The following VWF variants were observed in gnomAD, a reference collection of about 807,000 sequenced individuals.
VWF encodes von Willebrand factor.
Under a neutral mutation model 308.6 loss-of-function variants are expected in VWF, and 176 were observed. The ratio of observed to expected loss-of-function variants is 0.57; its 90% CI spans 0.50 to 0.65. The LOEUF is 0.65. Ranked by LOEUF, VWF falls within the 30% of genes least tolerant of loss-of-function variation. The pLI, the probability that VWF is intolerant of heterozygous loss-of-function variation, is 0.00. For synonymous variants in VWF, 1,385 were observed against 1,443.4 expected (o/e 0.96, Z 0.92); for missense variants, 3,146 against 3,648.2 (o/e 0.86, Z 3.55).
rs1396364240 is a variant in VWF at position 5,983,150 on chromosome 12, C to A, written c.7081G>T (p.Ala2361Ser). 6 of 1,613,356 alleles carry A rather than the reference C, an allele frequency of 3.7e-6. No homozygotes were observed. The highest frequency in any genetic ancestry group is 1.7e-5 in the Admixed American group (1 of 59,958). Residue 2361 changes from alanine to serine, a missense_variant and splice_region_variant, in exon 41 of 52, where the codon GCC becomes TCC. Ala to Ser is a moderately conservative substitution (Grantham distance 99). Around this residue, in one of 3 missense-constraint regions of VWF, gnomAD observed 989 missense variants for 1,117.4 expected, o/e 0.89. Transcript: ENST00000261405. The part of the protein sequence containing the change: ...PGECRPNFTC[A>S]CRKEECKRVS... ...CCCTCCTCATCCACAGAGGCCTTAC[C>A]GCAGGTGAAGTTGGGTCTGCACTCG...
intron 28 of VWF, among the ~76,000 whole-genome samples, chr12:6,017,769 G>T (rs1195329263): frequency 1.3e-5 from 2 of 152,182 alleles, no homozygotes; most frequent in Non-Finnish European, 2.9e-5. Context: ...CTCATCCTTT[G>T]TATAGACGAT....
At position 6,031,564 on chromosome 12, in the gene VWF, A is replaced by G. The variant is rs756897461; in HGVS notation, c.2700T>C (p.Ser900=). 3.7e-6 allele frequency: 6 copies of G among 1,614,082 alleles called. No homozygotes were observed. Among genetic ancestry groups the G allele is most frequent in the Non-Finnish European group, 5.1e-6 (6 of 1,179,988 alleles). The change falls in exon 21 of 52, where the codon AGT becomes AGC. Residue 900 remains serine (S), a synonymous_variant. Coordinates refer to ENST00000261405, the MANE Select transcript of VWF (RefSeq NM_000552.5). ...CTAGGATCCGAAAGGTCCCAGGGTT[A>G]CTGCCGCAGTAATCCTGGGGAAAGA... is the stretch of plus-strand genomic sequence containing the variant. ...QYVLVQDYCG[S]NPGTFRILVG...
chr12:5,994,541 C>G lies in VWF; in HGVS notation c.6130G>C (p.Gly2044Arg). 1 of 1,613,972 alleles carries G rather than the reference C, an allele frequency of 6.2e-7. No homozygotes were observed. Among genetic ancestry groups the G allele is most frequent in the Non-Finnish European group, 8.5e-7 (1 of 1,179,904 alleles). ...VGGNMEVNVY[G>R]AIMHEVRFNH... ...AATCTGACCTCATGCATGATGGCAC[C>G]ATAAACGTTGACTTCCATGTTCCCA... Residue 2044 changes from glycine (G) to arginine (R), a missense_variant, in exon 36 of 52, where the codon GGT becomes CGT. Transcript: ENST00000261405.
intron 6 of VWF, among the ~76,000 whole-genome samples, chr12:6,090,048 C>T (rs1173011069): frequency 6.6e-6 from 1 of 152,100 alleles, no homozygotes; most frequent in African/African-American, 2.4e-5. Flanking sequence ...AGCTCTGCCT[C>T]CCAGGTTCAT....
intron 15 of VWF, among the ~76,000 whole-genome samples, chr12:6,055,953 T>C (rs76155859): frequency 0.014 from 2,092 of 151,750 alleles, 47 homozygotes; most frequent in African/African-American, 0.047. Flanking sequence ...TACTTTACCC[T>C]AAAAAACAGA....
At chr12:6,070,636 G>A (rs777320653) in intron 10 of VWF, among the ~76,000 whole-genome samples, 1 of 152,254 alleles carries the variant, frequency 6.6e-6, no homozygotes, top group Non-Finnish European at 1.5e-5. Context: ...AAAACACCAC[G>A]TGAGTGAGCA....
chr12:6,029,520 G>A (rs1370127760), intron 21 of VWF, 32 bp from the exon 22 acceptor site: 3 of 1,613,556 alleles, frequency 1.9e-6, no homozygotes, highest in East Asian at 4.5e-5. Flanking sequence ...AATCCAGGAG[G>A]ATGAAGGGCA....
At chr12:6,007,443 T>C (rs1010777738) in intron 34 of VWF, among the ~76,000 whole-genome samples, 3 of 152,058 alleles carry the variant, frequency 2.0e-5, no homozygotes, top group Non-Finnish European at 2.9e-5. Context: ...TTCTCAAATA[T>C]GTGGAAATTA....
In VWF at chr12:6,064,291, C is replaced by T; in HGVS notation, c.1387G>A (p.Gly463Arg). ...NSLVKLKHGA[G>R]VAMDGQDVQL... ...ACGTCCTGGCCATCCATGGCAACTC[C>T]TGCCCCATGCTTCAGTTTCACAAGG... is the stretch of plus-strand genomic sequence containing the variant. The change falls in exon 12 of 52, where the codon GGA becomes AGA. Residue 463 changes from glycine to arginine, a missense_variant. By Grantham distance (125) the Gly-to-Arg change is moderately radical. Coordinates refer to ENST00000261405, the MANE Select transcript of VWF (RefSeq NM_000552.5). The T allele has an allele frequency of 6.2e-7, 1 of 1,614,210 alleles. No homozygotes were observed. Among genetic ancestry groups the T allele is most frequent in the Non-Finnish European group, 8.5e-7 (1 of 1,180,040 alleles).
At chr12:5,979,386 T>C (rs1439319328) in intron 42 of VWF, among the ~76,000 whole-genome samples, 4 of 152,224 alleles carry the variant, frequency 2.6e-5, no homozygotes, top group East Asian at 3.8e-4. Flanking sequence ...CTATAAATTG[T>C]TGATGGGGTA....
At chr12:6,049,151 C>T (rs1944479708) in intron 16 of VWF, among the ~76,000 whole-genome samples, 1 of 152,318 alleles carries the variant, frequency 6.6e-6, no homozygotes, top group African/African-American at 2.4e-5. Flanking sequence ...ACCACTAGCA[C>T]CTGCTCCAGC....
At chr12:5,964,876 G>A (rs969718713) in intron 47 of VWF, among the ~76,000 whole-genome samples, 7 of 152,190 alleles carry the variant, frequency 4.6e-5, no homozygotes, top group East Asian at 1.9e-4. Flanking sequence ...AAAATAAGCC[G>A]AAGGGGGCAA....
intron 5 of VWF, among the ~76,000 whole-genome samples, chr12:6,109,565 T>G (rs1166181817): frequency 6.6e-6 from 1 of 152,222 alleles, no homozygotes; most frequent in Non-Finnish European, 1.5e-5. Flanking sequence ...AGATAACATA[T>G]GTAAGTGTTT....
intron 6 of VWF, among the ~76,000 whole-genome samples, chr12:6,094,643 AG>A (rs1238406693): frequency 6.6e-6 from 1 of 152,164 alleles, no homozygotes; most frequent in Admixed American, 6.6e-5. Context: ...TGAAGTCCTG[AG>A]GGCTCTGCCT....
chr12:6,102,866 A>C (rs1485059854), intron 5 of VWF, among the ~76,000 whole-genome samples: 1 of 152,274 alleles, frequency 6.6e-6, no homozygotes, highest in African/African-American at 2.4e-5. Context: ...GTCATTTTTC[A>C]CAGAATTAGA....
chr12:6,108,489 T>A (rs1372413785), intron 5 of VWF, among the ~76,000 whole-genome samples: 1 of 150,642 alleles, frequency 6.6e-6, no homozygotes, highest in Middle Eastern at 3.2e-3. Context: ...ATACAGAAGA[T>A]CTGGAAAACA....
At chr12:5,980,189 A>AG (rs1943588343) in intron 42 of VWF, among the ~76,000 whole-genome samples, 2 of 36,820 alleles carry the variant, frequency 5.4e-5, no homozygotes, top group Non-Finnish European at 1.2e-4. Flanking sequence ...GAGGGAGGGA[A>AG]GGAAGGAAGT....
At chr12:6,090,703 T>C (rs1945025107) in intron 6 of VWF, among the ~76,000 whole-genome samples, 1 of 152,144 alleles carries the variant, frequency 6.6e-6, no homozygotes, top group Admixed American at 6.5e-5. Flanking sequence ...ACTCTATACA[T>C]ATTATCCCTC....
intron 12 of VWF, 100 bp downstream of exon 12, chr12:6,064,146 G>C (rs1944685836): frequency 1.3e-6 from 2 of 1,576,712 alleles, no homozygotes; most frequent in African/African-American, 1.3e-5. Flanking sequence ...CCATGGAAGA[G>C]GCATGCAGGT....
Sources: gnomAD v4.1 joint callset for allele counts (sites outside exome capture counted in the v4.1 genomes callset) on GRCh38, gnomAD v4.1.1 for gene constraint, gnomAD v4.1.1 regional missense constraint, MANE v1.5 for transcripts, NCBI Gene and HGNC (gene_info 2026-07-23, HGNC 2026-07-21) for gene names.